The following MIA2 variants were observed in gnomAD, a reference collection of about 807,000 sequenced individuals.
The protein encoded by MIA2 is MIA SH3 domain ER export factor 2.
MIA2 carries 127 observed loss-of-function variants against 167.8 expected under a neutral mutation model. The observed-to-expected ratio is 0.76, with a 90% CI of 0.66 to 0.88. The LOEUF (loss-of-function observed/expected upper bound fraction) is 0.88. Ranked by LOEUF, MIA2 falls within the 40% of genes least tolerant of loss-of-function variation. The pLI, the probability that MIA2 is intolerant of heterozygous loss-of-function variation, is 0.00. For missense variants in MIA2, 1,690 were observed against 1,624.7 expected, an observed-to-expected ratio of 1.04 and a Z score of -0.69; for synonymous variants, 552 against 541.9, an observed-to-expected ratio of 1.02 and a Z score of -0.26.
downstream of MIA2, among the ~76,000 whole-genome samples, chr14:39,352,491 A>G (rs560213064): frequency 2.0e-5 from 3 of 151,946 alleles, no homozygotes; most frequent in East Asian, 5.8e-4. Flanking sequence ...TCTTCCTTTT[A>G]CTGGTGTTAG....
intron 6 of MIA2, chr14:39,253,488 T>C (rs1276805302): frequency 5.7e-6 from 2 of 349,696 alleles, no homozygotes; most frequent in African/African-American, 4.4e-5. Context: ...GAACTAGAGC[T>C]GGGTGTGGTG....
chr14:39,295,787 T>C (rs1165490778), intron 13 of MIA2, among the ~76,000 whole-genome samples: 1 of 152,162 alleles, frequency 6.6e-6, no homozygotes, highest in Non-Finnish European at 1.5e-5. Flanking sequence ...CTCAATCTCT[T>C]GACCTCGTGA....
At chr14:39,347,385 G>C (rs945495082) in intron 26 of MIA2, among the ~76,000 whole-genome samples, 4 of 152,070 alleles carry the variant, frequency 2.6e-5, no homozygotes, top group African/African-American at 7.2e-5. Context: ...AGGAGAAGAG[G>C]ATAGGAGGCA....
chr14:39,291,114 A>G lies in MIA2; in HGVS notation c.2208+18A>G, dbSNP rs1232513763. On this transcript the variant is annotated intron_variant, in intron 10 of 28. Coordinates refer to ENST00000640607, the MANE Select transcript of MIA2 (RefSeq NM_001329214.4). ...GTTTGGAGGTAGAAAATCAAATGGTATAATTTTAAAAGCTGGGGAAAAAAA... is the reference window on the plus strand; with the variant it reads ...GTTTGGAGGTAGAAAATCAAATGGTGTAATTTTAAAAGCTGGGGAAAAAAA... 3.8e-6 allele frequency: 6 copies of G among 1,578,636 alleles called. No homozygotes were observed. The highest frequency in any genetic ancestry group is 3.4e-6 in the Non-Finnish European group (4 of 1,167,406).
intron 25 of MIA2, among the ~76,000 whole-genome samples, chr14:39,333,706 T>C (rs2069513414): frequency 6.6e-6 from 1 of 152,206 alleles, no homozygotes; most frequent in Admixed American, 6.5e-5. Flanking sequence ...GTCCTCCTGC[T>C]TTTGTTGATG....
intron 4 of MIA2, 138 bp downstream of exon 4, chr14:39,248,279 T>A: frequency 1.7e-6 from 1 of 591,384 alleles, no homozygotes; most frequent in Non-Finnish European, 2.5e-6. Flanking sequence ...TCCAGTTTAC[T>A]CTGGAATTTA....
intron 7 of MIA2, among the ~76,000 whole-genome samples, chr14:39,277,760 A>ATATATATGTGTG (rs2058353166): frequency 2.8e-4 from 7 of 25,040 alleles, no homozygotes; most frequent in South Asian, 1.7e-3. Context: ...ATATATATAT[A>ATATATATGTGTG]TATATATATA....
In MIA2 at chr14:39,253,035, T is replaced by C. The variant is rs201095746; in HGVS notation, c.1787-36T>C. On this transcript the variant is annotated intron_variant, in intron 5 of 28. Coordinates refer to ENST00000640607, the MANE Select transcript of MIA2 (RefSeq NM_001329214.4). ...GAAATTAGAATCAGAAGTTATATAATATCATGCTAACATATTTTTATTTAT... is the reference window on the plus strand; with the variant it reads ...GAAATTAGAATCAGAAGTTATATAACATCATGCTAACATATTTTTATTTAT... The C allele has an allele frequency of 8.3e-5, 129 of 1,560,368 alleles. No individual in the cohort carries two copies. In the African/African-American group the frequency reaches 1.4e-3, roughly 16 times the overall value.
chr14:39,356,726 T>C (rs985341182), intron 23 of MIA2, among the ~76,000 whole-genome samples: 2 of 152,362 alleles, frequency 1.3e-5, no homozygotes, highest in African/African-American at 2.4e-5. Context: ...GCTTTGAATG[T>C]GTCCCAGAGA....
At chr14:39,249,926 G>A (rs999976575) in intron 4 of MIA2, among the ~76,000 whole-genome samples, 7 of 152,118 alleles carry the variant, frequency 4.6e-5, no homozygotes, top group African/African-American at 1.4e-4. Flanking sequence ...TAAAATGTGA[G>A]CTCTCTACTC....
intron 9 of MIA2, among the ~76,000 whole-genome samples, chr14:39,288,448 TA>T (rs1566746645): frequency 0.17 from 5,973 of 34,662 alleles, 1,413 homozygotes; most frequent in Non-Finnish European, 0.2. Context: ...TATATATATA[TA>T]TATATATATA....
At chr14:39,261,164 G>A (rs1270020751) in intron 6 of MIA2, among the ~76,000 whole-genome samples, 1 of 151,736 alleles carries the variant, frequency 6.6e-6, no homozygotes, top group East Asian at 1.9e-4. Context: ...GACAGGCTCT[G>A]GTGTGTGATG....
chr14:39,293,969 A>G (rs1424293047), intron 11 of MIA2, 31 bp from the exon 12 acceptor site: 25 of 1,558,470 alleles, frequency 1.6e-5, no homozygotes, highest in Non-Finnish European at 2.0e-5. Context: ...AGAGTTTAGT[A>G]AATATTAATT....
At position 39,265,331 on chromosome 14, in the gene MIA2, A is replaced by G. The variant is rs889187961; in HGVS notation, c.1888-11603A>G. The G allele has an allele frequency of 7.4e-6, 9 of 1,218,640 alleles. No individual in the cohort carries two copies. The Admixed American group carries it at 1.2e-4, about 16-fold the overall frequency. The allele number at this position is 1,218,640 out of a possible 1,614,324, so 75.5% of individuals were successfully genotyped here. On this transcript the variant is annotated intron_variant, in intron 6 of 28. Transcript: ENST00000640607. ...TTAGAATCTGAAATCTTTCTCAAGG[A>G]TATGAGGTGCCTGGTAGAACTTTAT... is the stretch of plus-strand genomic sequence containing the variant.
downstream of MIA2, among the ~76,000 whole-genome samples, chr14:39,352,180 T>C (rs2074405314): frequency 6.6e-6 from 1 of 150,494 alleles, no homozygotes; most frequent in African/African-American, 2.4e-5. Flanking sequence ...AAAAAAATTC[T>C]CTTCAATATT....
chr14:39,366,420 C>A (rs1457215739), intron 23 of MIA2, among the ~76,000 whole-genome samples: 2 of 152,144 alleles, frequency 1.3e-5, no homozygotes, highest in African/African-American at 4.8e-5. Flanking sequence ...GGTGGTAAGA[C>A]AACTTTTGAG....
chr14:39,341,172 C>T (rs1049351176), intron 25 of MIA2, among the ~76,000 whole-genome samples: 12 of 151,900 alleles, frequency 7.9e-5, no homozygotes, highest in Admixed American at 2.0e-4. Context: ...TGTGGTGGCA[C>T]GCGCCTGTAG....
At chr14:39,381,684 T>C (rs866127302) in intron 23 of MIA2, among the ~76,000 whole-genome samples, 16 of 130,854 alleles carry the variant, frequency 1.2e-4, no homozygotes, top group Non-Finnish European at 1.6e-5. Flanking sequence ...TTTTTCTTTT[T>C]CTTTTTTTTC....
At chr14:39,380,927 T>C (rs1474287160) in intron 23 of MIA2, among the ~76,000 whole-genome samples, 1 of 152,038 alleles carries the variant, frequency 6.6e-6, no homozygotes, top group Non-Finnish European at 1.5e-5. Context: ...ACAGTGCATT[T>C]TGTTACAAAG....
Sources: allele counts gnomAD v4.1 joint callset (sites outside exome capture counted in the v4.1 genomes callset), GRCh38; gene constraint gnomAD v4.1.1; transcripts MANE v1.5; gene names NCBI Gene and HGNC (gene_info 2026-07-23, HGNC 2026-07-21).